The following ARID4A variants were observed in gnomAD, a reference collection of about 807,000 sequenced individuals.
ARID4A encodes AT-rich interaction domain 4A, also known as AT-rich interactive domain-containing protein 4A.
ARID4A carries 39 observed loss-of-function variants against 148.6 expected under a neutral mutation model. The ratio of observed to expected loss-of-function variants is 0.26; its 90% CI spans 0.20 to 0.34. ARID4A has a LOEUF of 0.34. ARID4A is among the 10% of genes least tolerant of loss of function. The probability of loss-of-function intolerance (pLI) is 1.00; values close to 1 mark genes in which losing one functional copy is unlikely to be tolerated. For missense variants in ARID4A, 1,265 were observed against 1,449.1 expected (o/e 0.87, Z 2.06); for synonymous variants, 475 against 481.2 (o/e 0.99, Z 0.17).
chr14:58,345,719 CTTTTTTTTTTTTTTT>C (rs869137059), intron 12 of ARID4A, among the ~76,000 whole-genome samples: 2 of 75,874 alleles, frequency 2.6e-5, no homozygotes, highest in Admixed American at 3.6e-4. Flanking sequence ...TATGCCTAAA[CTTTTTTTTTTTTTTT>C]TTTTTTTTTT....
At chr14:58,313,302 G>A (rs2032182358) in intron 5 of ARID4A, among the ~76,000 whole-genome samples, 2 of 152,152 alleles carry the variant, frequency 1.3e-5, no homozygotes, top group Non-Finnish European at 2.9e-5. Flanking sequence ...TGGAAGTGCT[G>A]GGGGATGGTT....
intron 8 of ARID4A, among the ~76,000 whole-genome samples, chr14:58,324,017 G>A (rs951424992): frequency 6.8e-6 from 1 of 146,230 alleles, no homozygotes; most frequent in Non-Finnish European, 1.5e-5. Flanking sequence ...CCATTCTCCT[G>A]CCTCAGCCTC....
chr14:58,343,173 T>G (rs1490866312), intron 11 of ARID4A, among the ~76,000 whole-genome samples: 1 of 152,262 alleles, frequency 6.6e-6, no homozygotes, highest in Non-Finnish European at 1.5e-5. Context: ...CTGCCATCTC[T>G]TAATCTGAGC....
intron 7 of ARID4A, among the ~76,000 whole-genome samples, chr14:58,322,963 C>CAAAAAAAAA (rs386381476): frequency 2.4e-5 from 1 of 42,236 alleles, no homozygotes; most frequent in Non-Finnish European, 4.1e-5. Flanking sequence ...ACTCCATTTC[C>CAAAAAAAAA]AAAAAAAAAA....
chr14:58,348,020 T>A (rs1019283331), intron 15 of ARID4A, 142 bp downstream of exon 15: 1 of 600,854 alleles, frequency 1.7e-6, no homozygotes, highest in Non-Finnish European at 2.8e-6. Flanking sequence ...GCTACTTTTT[T>A]CGAAATATAT....
chr14:58,305,027 T>A lies in ARID4A; in HGVS notation c.183+18T>A, dbSNP rs1006592383. The stretch of plus-strand genomic sequence containing the variant: ...CTTTAAGAGTATGTATGTTGTACGG[T>A]TTAAAATCTGAAATAATCATAGATT... On this transcript the variant is annotated intron_variant, in intron 4 of 23. Coordinates refer to ENST00000355431, the MANE Select transcript of ARID4A (RefSeq NM_002892.4). The A allele has an allele frequency of 6.4e-7, 1 of 1,557,626 alleles. No individual in the cohort carries two copies. The highest frequency in any genetic ancestry group is 8.7e-7 in the Non-Finnish European group (1 of 1,152,840).
intron 15 of ARID4A, among the ~76,000 whole-genome samples, chr14:58,350,656 A>T (rs2034595856): frequency 6.6e-6 from 1 of 152,246 alleles, no homozygotes; most frequent in South Asian, 2.1e-4. Context: ...CCTTTAAAGA[A>T]GCAAAATTCA....
intron 8 of ARID4A, 50 bp downstream of exon 8, chr14:58,323,667 T>C (rs1434751665): frequency 1.3e-6 from 2 of 1,492,720 alleles, no homozygotes; most frequent in Non-Finnish European, 1.8e-6. Context: ...ATATTTGTTT[T>C]AAATGGATTT....
chr14:58,345,150 ATTACAGCTGTGAACC>A (rs1258439015), intron 12 of ARID4A, among the ~76,000 whole-genome samples: 1 of 152,186 alleles, frequency 6.6e-6, no homozygotes, highest in Admixed American at 6.5e-5. Context: ...AAGTGCTGAG[ATTACAGCTGTGAACC>A]ATCATGACTG....
intron 2 of ARID4A, 49 bp downstream of exon 2, chr14:58,299,909 A>G (rs554442347): frequency 3.1e-6 from 5 of 1,611,586 alleles, no homozygotes; most frequent in South Asian, 2.2e-5. Flanking sequence ...AACACTGCCA[A>G]TCCTAAGGCT....
At chr14:58,331,995 ACCC>A (rs58313316) in intron 11 of ARID4A, among the ~76,000 whole-genome samples, 29 of 85,176 alleles carry the variant, frequency 3.4e-4, no homozygotes, top group African/African-American at 9.4e-4. Context: ...CATTTTCCCT[ACCC>A]CCCCCCCCCC....
At chr14:58,368,547 A>C (rs1049748491) in intron 23 of ARID4A, among the ~76,000 whole-genome samples, 5 of 152,200 alleles carry the variant, frequency 3.3e-5, no homozygotes, top group Non-Finnish European at 5.9e-5. Context: ...AAGGAGAATA[A>C]AAAGGAACTG....
intron 5 of ARID4A, among the ~76,000 whole-genome samples, chr14:58,318,192 AC>A (rs1301448610): frequency 6.6e-6 from 1 of 152,086 alleles, no homozygotes; most frequent in Admixed American, 6.6e-5. Flanking sequence ...AATCCATAAT[AC>A]TTTTTTTAAT....
chr14:58,327,079 T>C (rs2033257043), intron 8 of ARID4A, among the ~76,000 whole-genome samples: 1 of 152,244 alleles, frequency 6.6e-6, no homozygotes, highest in Non-Finnish European at 1.5e-5. Flanking sequence ...GGATATACAC[T>C]ATTCAGTATG....
At chr14:58,306,157 A>G (rs1411422002) in intron 5 of ARID4A, 45 bp downstream of exon 5, 2 of 1,377,366 alleles carry the variant, frequency 1.5e-6, no homozygotes, top group Non-Finnish European at 2.1e-6. Context: ...TGGAGGTTGC[A>G]TGTATCTGTG....
At chr14:58,300,785 A>G (rs943294175) in intron 2 of ARID4A, among the ~76,000 whole-genome samples, 1 of 151,516 alleles carries the variant, frequency 6.6e-6, no homozygotes, top group Non-Finnish European at 1.5e-5. Flanking sequence ...TTGAACTTGT[A>G]TGGATACACT....
rs1161409977 is a variant in ARID4A at position 58,305,009 on chromosome 14, A to G, written c.183A>G (p.Arg61=). 2 of 1,604,286 alleles carry G rather than the reference A, an allele frequency of 1.2e-6. No individual in the cohort carries two copies. Among genetic ancestry groups the G allele is most frequent in the Admixed American group, 1.7e-5 (1 of 58,600 alleles). ...ATGACCAAGTAAAGGGTCCTTTAAGAGTATGTATGTTGTACGGTTTAAAAT... is the reference window on the plus strand; with the variant it reads ...ATGACCAAGTAAAGGGTCCTTTAAGGGTATGTATGTTGTACGGTTTAAAAT... ...VQDDQVKGPL[R]VGAIVETRTS... is the part of the protein sequence containing the mutation. The change falls in exon 4 of 24, where the codon AGA becomes AGG. Residue 61 remains arginine, a splice_region_variant and synonymous_variant. Coordinates refer to ENST00000355431, the MANE Select transcript of ARID4A (RefSeq NM_002892.4).
At chr14:58,350,145 T>G (rs2034568269) in intron 15 of ARID4A, among the ~76,000 whole-genome samples, 1 of 149,528 alleles carries the variant, frequency 6.7e-6, no homozygotes. Context: ...ACCTGCTATG[T>G]GCCAGCCACT....
Position 58,372,775 on chromosome 14 carries a change from T to C in ARID4A, c.*786T>C. On this transcript the variant is annotated 3_prime_UTR_variant, in exon 24 of 24. Transcript: ENST00000355431. ...GTTACAAAAAGACAAAAATGAAATATATAACAACAATGAAGTTATTTAACA... is the reference window on the plus strand; with the variant it reads ...GTTACAAAAAGACAAAAATGAAATACATAACAACAATGAAGTTATTTAACA... 1 of 181,736 alleles carries C rather than the reference T, an allele frequency of 5.5e-6. No individual in the cohort carries two copies. Among genetic ancestry groups the C allele is most frequent in the East Asian group, 9.2e-5 (1 of 10,898 alleles). 11.3% of individuals were successfully genotyped at this position (181,736 alleles called of 1,614,324 possible). A position where few individuals can be genotyped will look rare whatever the true frequency, so the allele number is the denominator to read the frequency against.
Sources: allele counts gnomAD v4.1 joint callset (sites outside exome capture counted in the v4.1 genomes callset), GRCh38; gene constraint gnomAD v4.1.1; transcripts MANE v1.5; gene names NCBI Gene and HGNC (gene_info 2026-07-23, HGNC 2026-07-21).